The following DOK6 variants were observed in gnomAD, a reference collection of about 807,000 sequenced individuals.
DOK6 encodes the protein docking protein 6.
In DOK6, 22 loss-of-function variants were observed where a neutral mutation model predicts 44.0. The observed-to-expected ratio is 0.50, with a 90% CI of 0.36 to 0.71. The LOEUF is 0.71. Ranked by LOEUF, DOK6 falls within the 30% of genes least tolerant of loss-of-function variation. The pLI is 0.00. For missense variants in DOK6, 340 were observed against 416.4 expected (o/e 0.82, Z 1.60); for synonymous variants, 166 against 145.5 (o/e 1.14, Z -1.01).
Position 69,566,286 on chromosome 18 carries a change from G to A in DOK6, c.174+1692G>A, listed in dbSNP as rs182775315. Among the ~76,000 whole-genome samples the A allele has an allele frequency of 6.9e-3, 1,045 of 151,118 alleles. 11 individuals carry two copies. Among genetic ancestry groups the A allele is most frequent in the African/African-American group, 0.024 (994 of 41,262 alleles). On this transcript the variant is annotated intron_variant, in intron 2 of 7. Transcript: ENST00000382713. ...CGAGTAGCTGGGACTACAGGCGCCCGCCACTGCACCCAGCTAATTTTTTGT... is the reference window on the plus strand; with the variant it reads ...CGAGTAGCTGGGACTACAGGCGCCCACCACTGCACCCAGCTAATTTTTTGT...
At chr18:69,422,959 C>T (rs12150841) in intron 1 of DOK6, among the ~76,000 whole-genome samples, 10,186 of 152,164 alleles carry the variant, frequency 0.067, 377 homozygotes, top group Middle Eastern at 0.17. Context: ...AACCTCCAAG[C>T]GCACACTACT....
chr18:69,597,605 C>T (rs1983774387), intron 2 of DOK6, among the ~76,000 whole-genome samples: 1 of 152,090 alleles, frequency 6.6e-6, no homozygotes, highest in African/African-American at 2.4e-5. Context: ...GTGTAGTCAA[C>T]AAGAAAAATC....
intron 7 of DOK6, among the ~76,000 whole-genome samples, chr18:69,782,512 T>A (rs1980307175): frequency 6.7e-6 from 1 of 149,506 alleles, no homozygotes; most frequent in Admixed American, 6.6e-5. Flanking sequence ...CACTCGGCCG[T>A]GTTCTAAGAT....
chr18:69,765,198 T>C (rs997569424), intron 7 of DOK6, among the ~76,000 whole-genome samples: 8 of 152,204 alleles, frequency 5.3e-5, no homozygotes, highest in African/African-American at 1.9e-4. Flanking sequence ...TTCTATTTTG[T>C]TTTTCAAGTT....
At chr18:69,415,869 G>A (rs962771823) in intron 1 of DOK6, among the ~76,000 whole-genome samples, 11 of 151,960 alleles carry the variant, frequency 7.2e-5, no homozygotes, top group African/African-American at 2.7e-4. Flanking sequence ...TTAATTTATG[G>A]CTTACAGAAT....
intron 7 of DOK6, among the ~76,000 whole-genome samples, chr18:69,769,882 C>T (rs1209533451): frequency 2.0e-5 from 3 of 152,074 alleles, no homozygotes; most frequent in Non-Finnish European, 1.5e-5. Context: ...CTTTTCCAAT[C>T]GGTAAGTGGG....
chr18:69,695,659 A>G (rs1986372811), intron 4 of DOK6, among the ~76,000 whole-genome samples: 1 of 152,194 alleles, frequency 6.6e-6, no homozygotes, highest in Non-Finnish European at 1.5e-5. Context: ...TAGGTAACAT[A>G]ATGTGCTGCC....
intron 7 of DOK6, among the ~76,000 whole-genome samples, chr18:69,802,039 C>T (rs9948214): frequency 0.18 from 27,827 of 151,992 alleles, 2,720 homozygotes; most frequent in East Asian, 0.28. Context: ...ACCCTTTTTC[C>T]TCCATCCTAT....
rs1982309645 is a variant in DOK6 at position 69,844,729 on chromosome 18, T to G, written c.*3346T>G. The G allele has an allele frequency of 6.6e-6, 1 of 152,142 alleles. No individual in the cohort carries two copies. The highest frequency in any genetic ancestry group is 2.4e-5 in the African/African-American group (1 of 41,422). The allele number at this position is 152,142 out of a possible 1,614,324, so 9.4% of individuals were successfully genotyped here. On this transcript the variant is annotated 3_prime_UTR_variant, in exon 8 of 8. Coordinates refer to ENST00000382713, the MANE Select transcript of DOK6 (RefSeq NM_152721.6). Reference sequence around the variant, plus strand: ...AATCAATAAAATAAGAAATATATATTTATATATGAGGGAAGATGCTGTTTG... The same window carrying G: ...AATCAATAAAATAAGAAATATATATGTATATATGAGGGAAGATGCTGTTTG...
At chr18:69,442,602 A>C (rs1476725808) in intron 1 of DOK6, among the ~76,000 whole-genome samples, 2 of 152,188 alleles carry the variant, frequency 1.3e-5, no homozygotes, top group African/African-American at 4.8e-5. Flanking sequence ...ATTACAATTC[A>C]AGATGAGATT....
chr18:69,797,712 A>C (rs1361141689), intron 7 of DOK6, among the ~76,000 whole-genome samples: 1 of 152,064 alleles, frequency 6.6e-6, no homozygotes, highest in Non-Finnish European at 1.5e-5. Context: ...GTTACAGATA[A>C]CATTGCATAG....
intron 7 of DOK6, among the ~76,000 whole-genome samples, chr18:69,761,780 T>C (rs962854897): frequency 4.6e-5 from 7 of 152,218 alleles, no homozygotes; most frequent in African/African-American, 1.7e-4. Flanking sequence ...TCACTGAGGA[T>C]TGTCTGGAGC....
intron 1 of DOK6, among the ~76,000 whole-genome samples, chr18:69,456,121 C>A (rs1200920411): frequency 6.6e-6 from 1 of 152,042 alleles, no homozygotes; most frequent in East Asian, 1.9e-4. Flanking sequence ...CTCAAAACAC[C>A]CCTCTTTTTT....
intron 1 of DOK6, among the ~76,000 whole-genome samples, chr18:69,415,670 G>A (rs1423608200): frequency 6.6e-6 from 1 of 151,962 alleles, no homozygotes; most frequent in Non-Finnish European, 1.5e-5. Flanking sequence ...GCAAACATCT[G>A]TCCAAGGATG....
intron 5 of DOK6, among the ~76,000 whole-genome samples, chr18:69,732,708 T>C (rs1978451962): frequency 6.6e-6 from 1 of 152,254 alleles, no homozygotes; most frequent in East Asian, 1.9e-4. Flanking sequence ...GGTGGAAGAA[T>C]TGTAGAGTTT....
intron 1 of DOK6, among the ~76,000 whole-genome samples, chr18:69,470,317 G>A (rs1980060832): frequency 6.6e-6 from 1 of 152,102 alleles, no homozygotes; most frequent in African/African-American, 2.4e-5. Context: ...CGTGACTCTG[G>A]AAGCTGGGAG....
At chr18:69,794,515 G>A (rs1980689585) in intron 7 of DOK6, among the ~76,000 whole-genome samples, 1 of 152,150 alleles carries the variant, frequency 6.6e-6, no homozygotes, top group Non-Finnish European at 1.5e-5. Context: ...CATTGACAAT[G>A]TCTCTTATTT....
chr18:69,718,276 G>T (rs1052538196), intron 5 of DOK6, among the ~76,000 whole-genome samples: 6 of 152,166 alleles, frequency 3.9e-5, no homozygotes, highest in African/African-American at 1.4e-4. Flanking sequence ...AGGAGAGAGA[G>T]CTATTCTCCT....
chr18:69,434,962 A>G (rs1978916092), intron 1 of DOK6, among the ~76,000 whole-genome samples: 3 of 140,826 alleles, frequency 2.1e-5, no homozygotes, highest in East Asian at 2.3e-4. Context: ...GAGGGAAGGA[A>G]GGAAGGAAGG....
Sources: allele counts gnomAD v4.1 joint callset (sites outside exome capture counted in the v4.1 genomes callset), GRCh38; gene constraint gnomAD v4.1.1; transcripts MANE v1.5; gene names NCBI Gene and HGNC (gene_info 2026-07-23, HGNC 2026-07-21).